The following CNTN5 variants were observed in gnomAD, a reference collection of about 807,000 sequenced individuals.
CNTN5 encodes the protein contactin 5.
CNTN5 carries 77 observed loss-of-function variants against 129.1 expected under a neutral mutation model. The observed-to-expected ratio is 0.60, with a 90% confidence interval of 0.50 to 0.72. CNTN5 has a LOEUF of 0.72. CNTN5 is among the 30% of genes least tolerant of loss of function. The pLI is 0.00. For missense variants in CNTN5, 1,478 were observed against 1,328.8 expected (o/e 1.11, Z -1.75); for synonymous variants, 509 against 465.6 (o/e 1.09, Z -1.20).
intron 23 of CNTN5, among the ~76,000 whole-genome samples, chr11:100,349,204 A>G (rs763205550): frequency 3.9e-5 from 6 of 152,014 alleles, no homozygotes; most frequent in Non-Finnish European, 8.8e-5. Flanking sequence ...GGGTTCAAGT[A>G]CACGCAGGCT....
At chr11:99,101,393 G>A (rs1055615952) in intron 1 of CNTN5, among the ~76,000 whole-genome samples, 4 of 152,064 alleles carry the variant, frequency 2.6e-5, no homozygotes, top group African/African-American at 4.8e-5. Context: ...CCCCAAAGTC[G>A]TAACTCATTT....
chr11:99,374,076 A>G lies in CNTN5; in HGVS notation c.-71+48592A>G, dbSNP rs1208917722. Among the ~76,000 whole-genome samples, 3 of 152,190 alleles carry G rather than the reference A, an allele frequency of 2.0e-5. 1 individual carries two copies. The highest frequency in any genetic ancestry group is 6.3e-3 in the Middle Eastern group (2 of 316). ...TCGAAACATTTCACTGTTTTTCAGA[A>G]CCCTTTAGAAATCAGATCAGAAGGT... On this transcript the variant is annotated intron_variant, in intron 2 of 24. Coordinates refer to ENST00000524871, the MANE Select transcript of CNTN5 (RefSeq NM_014361.4).
At chr11:100,245,158 GTTTGT>G (rs1018544598) in intron 16 of CNTN5, among the ~76,000 whole-genome samples, 5 of 152,024 alleles carry the variant, frequency 3.3e-5, no homozygotes, top group Non-Finnish European at 7.4e-5. Context: ...GGGCCCACAG[GTTTGT>G]TTTGTCTCTC....
At chr11:99,784,235 G>C (rs1331601676) in intron 3 of CNTN5, among the ~76,000 whole-genome samples, 3 of 152,000 alleles carry the variant, frequency 2.0e-5, no homozygotes, top group Admixed American at 6.6e-5. Flanking sequence ...ATGGTGGTTT[G>C]CTCCACCCAT....
At chr11:100,016,659 A>G (rs1231389537) in intron 9 of CNTN5, among the ~76,000 whole-genome samples, 1 of 151,886 alleles carries the variant, frequency 6.6e-6, no homozygotes, top group Non-Finnish European at 1.5e-5. Context: ...ACATGGTGGC[A>G]TTTGCTACAA....
chr11:99,348,192 A>T (rs1456906232), intron 2 of CNTN5, among the ~76,000 whole-genome samples: 2 of 152,164 alleles, frequency 1.3e-5, no homozygotes, highest in Non-Finnish European at 2.9e-5. Flanking sequence ...ACAAAAAATT[A>T]GCCAGGCGTG....
chr11:99,944,662 A>G (rs908228886), intron 7 of CNTN5, among the ~76,000 whole-genome samples: 3 of 152,136 alleles, frequency 2.0e-5, no homozygotes, highest in African/African-American at 7.2e-5. Flanking sequence ...AACTTCAGCT[A>G]AGTCTCAGGA....
At chr11:100,095,464 A>G (rs570061692) in intron 13 of CNTN5, among the ~76,000 whole-genome samples, 1 of 152,248 alleles carries the variant, frequency 6.6e-6, no homozygotes, top group South Asian at 2.1e-4. Context: ...GTCTAGATGT[A>G]TATGACCACA....
intron 3 of CNTN5, among the ~76,000 whole-genome samples, chr11:99,771,608 A>C (rs1944948987): frequency 6.6e-6 from 1 of 152,162 alleles, no homozygotes; most frequent in African/African-American, 2.4e-5. Context: ...GAACTTGGAA[A>C]AGCAGAGAAT....
chr11:99,270,151 A>T (rs981161079), intron 1 of CNTN5, among the ~76,000 whole-genome samples: 1 of 151,772 alleles, frequency 6.6e-6, no homozygotes, highest in Non-Finnish European at 1.5e-5. Context: ...GTTTTATTTC[A>T]TTTTTAACTG....
intron 1 of CNTN5, among the ~76,000 whole-genome samples, chr11:99,073,546 CT>C (rs1221604523): frequency 6.6e-6 from 1 of 151,898 alleles, no homozygotes; most frequent in African/African-American, 2.4e-5. Context: ...TTTCCCTCCC[CT>C]TGTCCCCCCA....
intron 1 of CNTN5, among the ~76,000 whole-genome samples, chr11:99,195,244 T>C (rs1008904455): frequency 6.6e-6 from 1 of 152,154 alleles, no homozygotes; most frequent in African/African-American, 2.4e-5. Context: ...GACTAGTACA[T>C]TTACCCATGC....
At chr11:100,251,896 C>T (rs1383493843) in intron 16 of CNTN5, among the ~76,000 whole-genome samples, 1 of 152,090 alleles carries the variant, frequency 6.6e-6, no homozygotes, top group Non-Finnish European at 1.5e-5. Context: ...AAAGAAGTCT[C>T]TGATATACTG....
At chr11:99,640,512 G>T (rs369518000) in intron 3 of CNTN5, among the ~76,000 whole-genome samples, 6 of 152,122 alleles carry the variant, frequency 3.9e-5, no homozygotes, top group African/African-American at 1.2e-4. Context: ...CTCCTGCTGG[G>T]TCCCTTCCTC....
intron 6 of CNTN5, among the ~76,000 whole-genome samples, chr11:99,880,842 C>T (rs1332366008): frequency 6.6e-6 from 1 of 152,058 alleles, no homozygotes; most frequent in Non-Finnish European, 1.5e-5. Flanking sequence ...AAAAACTCAC[C>T]TCTACCACTT....
chr11:99,513,294 G>A (rs923158959), intron 2 of CNTN5, among the ~76,000 whole-genome samples: 1 of 152,140 alleles, frequency 6.6e-6, no homozygotes, highest in Non-Finnish European at 1.5e-5. Flanking sequence ...AGGATTGAAG[G>A]AAAGAAGCTT....
At chr11:99,734,026 T>G (rs1044002512) in intron 3 of CNTN5, among the ~76,000 whole-genome samples, 3 of 152,170 alleles carry the variant, frequency 2.0e-5, no homozygotes, top group African/African-American at 7.2e-5. Context: ...CTTACTGTGG[T>G]CAGCTTCTTT....
intron 2 of CNTN5, among the ~76,000 whole-genome samples, chr11:99,554,494 C>A (rs750487810): frequency 6.6e-6 from 1 of 152,024 alleles, no homozygotes; most frequent in African/African-American, 2.4e-5. Flanking sequence ...GTCCCAGAAA[C>A]AGCCCTTAAG....
At chr11:99,226,463 C>G (rs181759432) in intron 1 of CNTN5, among the ~76,000 whole-genome samples, 1 of 152,116 alleles carries the variant, frequency 6.6e-6, no homozygotes, top group Admixed American at 6.5e-5. Flanking sequence ...AATTACCTTG[C>G]GCTTCGTATC....
Sources: gnomAD v4.1 joint callset for allele counts (sites outside exome capture counted in the v4.1 genomes callset) on GRCh38, gnomAD v4.1.1 for gene constraint, MANE v1.5 for transcripts, NCBI Gene and HGNC (gene_info 2026-07-23, HGNC 2026-07-21) for gene names.